NOTCH2: variants seen among roughly 807,000 people sequenced by gnomAD.
NOTCH2 encodes notch receptor 2.
Under a neutral mutation model 235.8 loss-of-function variants are expected in NOTCH2, and 29 were observed. That is an observed-to-expected ratio of 0.12 (90% CI 0.09 to 0.17). NOTCH2 has a LOEUF of 0.17. Ranked by LOEUF, NOTCH2 falls within the 10% of genes least tolerant of loss-of-function variation. The probability of loss-of-function intolerance (pLI) is 1.00; values close to 1 mark genes in which losing one functional copy is unlikely to be tolerated. For missense variants in NOTCH2, 2,285 were observed against 3,150.2 expected (o/e 0.73, Z 6.57); for synonymous variants, 1,086 against 1,141.5 (o/e 0.95, Z 0.98).
intron 4 of NOTCH2, chr1:119,995,549 A>G (rs1365711140): frequency 2.0e-5 from 3 of 152,246 alleles, no homozygotes; most frequent in Admixed American, 6.5e-5. Flanking sequence ...AACCCTTAAA[A>G]TGCAAACAAA....
chr1:119,976,187 T>C (rs1350175593), intron 5 of NOTCH2, among the ~76,000 whole-genome samples: 1 of 152,052 alleles, frequency 6.6e-6, no homozygotes, highest in Non-Finnish European at 1.5e-5. Flanking sequence ...ATCTCCTATA[T>C]ACCTTTCCAA....
intron 2 of NOTCH2, among the ~76,000 whole-genome samples, chr1:120,022,832 AC>A (rs1405377555): frequency 1.3e-5 from 2 of 152,140 alleles, no homozygotes; most frequent in African/African-American, 4.8e-5. Context: ...CATTTGAACT[AC>A]AAACTTAAAA....
Position 119,915,728 on chromosome 1 carries a change from C to G in NOTCH2, c.6994G>C (p.Val2332Leu). Residue 2332 changes from valine to leucine, a missense_variant, in exon 34 of 34, where the codon GTT becomes CTT. Transcript: ENST00000256646. ...TACATGGTGGGCAGGGGGCCCGCAA[C>G]AGCTGGAGGGCAGGTGGACTGAGGC... ...PQPQSTCPPA[V>L]AGPLPTMYQI... is the part of the protein sequence containing the mutation. 6.2e-7 allele frequency: 1 copy of G among 1,608,158 alleles called. No individual in the cohort carries two copies. Among genetic ancestry groups the G allele is most frequent in the Non-Finnish European group, 8.5e-7 (1 of 1,176,138 alleles).
At chr1:119,960,098 T>C (rs1650876623) in intron 11 of NOTCH2, among the ~76,000 whole-genome samples, 1 of 152,310 alleles carries the variant, frequency 6.6e-6, no homozygotes, top group Non-Finnish European at 1.5e-5. Context: ...CCCATTTTAA[T>C]TGAAAGAGCA....
rs12131403 is a variant in NOTCH2, at chr1:120,051,277, A to G, written c.73+18057T>C. On this transcript the variant is annotated intron_variant, in intron 1 of 33. Transcript: ENST00000256646. ...CACACACACACACACACACACACGC[A>G]CACACACACAGAGTTAAATCAGAGA... Among the ~76,000 whole-genome samples, 27 of 102,218 alleles carry G rather than the reference A, an allele frequency of 2.6e-4. 1 individual carries two copies. The highest frequency in any genetic ancestry group is 2.6e-4 in the Admixed American group (3 of 11,476). 67.1% of individuals were successfully genotyped at this position (102,218 alleles called of 152,430 possible). A position where few individuals can be genotyped will look rare whatever the true frequency, so the allele number is the denominator to read the frequency against.
Position 119,948,498 on chromosome 1 carries a change from T to C in NOTCH2, c.2668A>G (p.Asn890Asp). The change falls in exon 17 of 34, where the codon AAC becomes GAC. Residue 890 changes from asparagine (N) to aspartate (D), a missense_variant. Physicochemically the swap from Asn to Asp is conservative, Grantham distance 23 (BLOSUM62 1). Around this residue, in one of 6 missense-constraint regions of NOTCH2, gnomAD observed 1,173 missense variants for 1,515.3 expected, o/e 0.77. Transcript: ENST00000256646. ...KPCMNHGLCH[N>D]TQGSYMCECP... ...TCACACATGTAGCTGCCCTGGGTGT[T>C]ATGGCAGAGACCATGGTTCATGCAG... The C allele has an allele frequency of 6.2e-7, 1 of 1,614,192 alleles. No individual in the cohort carries two copies. Among genetic ancestry groups the C allele is most frequent in the Non-Finnish European group, 8.5e-7 (1 of 1,180,014 alleles).
chr1:120,001,734 A>G (rs1163277344), intron 3 of NOTCH2, among the ~76,000 whole-genome samples: 3 of 152,154 alleles, frequency 2.0e-5, no homozygotes, highest in Non-Finnish European at 4.4e-5. Context: ...TTCTGCCAAG[A>G]CTACCATCCG....
At position 119,953,568 on chromosome 1, in the gene NOTCH2, C is replaced by T. The variant is rs1650569823; in HGVS notation, c.2340G>A (p.Arg780=). The change falls in exon 14 of 34, where the codon AGG becomes AGA. Residue 780 remains arginine, a synonymous_variant. Transcript: ENST00000256646. ...GTCDNLVNGY[R]CTCKKGFKGY... ...CTTTAAAGCCCTTCTTGCAAGTACA[C>T]CTGTATCCATTCACCAGATTGTCAC... The T allele has an allele frequency of 3.1e-6, 5 of 1,614,066 alleles. No individual in the cohort carries two copies. The South Asian group carries it at 5.5e-5, about 18-fold the overall frequency.
chr1:119,939,015 C>A (rs781899883), intron 19 of NOTCH2, among the ~76,000 whole-genome samples: 1 of 152,152 alleles, frequency 6.6e-6, no homozygotes, highest in African/African-American at 2.4e-5. Context: ...TACTCCAGTT[C>A]AGGTTCATGA....
intron 2 of NOTCH2, among the ~76,000 whole-genome samples, chr1:120,014,599 G>T: frequency 7.7e-6 from 1 of 130,476 alleles, no homozygotes; most frequent in Non-Finnish European, 1.6e-5. Context: ...CACTTAAGCA[G>T]ATGAAAACCA....
intron 4 of NOTCH2, chr1:119,996,408 C>T (rs1652450193): frequency 1.9e-6 from 1 of 519,414 alleles, no homozygotes; most frequent in Admixed American, 3.3e-5. Flanking sequence ...AGAGGATCCC[C>T]TCCTCAGTTT....
intron 5 of NOTCH2, among the ~76,000 whole-genome samples, chr1:119,971,017 T>C (rs587602780): frequency 3.3e-5 from 5 of 152,352 alleles, no homozygotes; most frequent in East Asian, 3.9e-4. Context: ...ACCTAGCAAT[T>C]TGACTGGCTC....
intron 6 of NOTCH2, among the ~76,000 whole-genome samples, chr1:119,969,087 T>G (rs1651261934): frequency 6.6e-6 from 1 of 152,226 alleles, no homozygotes; most frequent in Non-Finnish European, 1.5e-5. Context: ...TCATAGACAT[T>G]GAGGGTTAGA....
Position 119,912,161 on chromosome 1 carries a change from TC to T in NOTCH2, c.*3144del, listed in dbSNP as rs1297270056. On this transcript the variant is annotated 3_prime_UTR_variant, in exon 34 of 34. Coordinates refer to ENST00000256646, the MANE Select transcript of NOTCH2 (RefSeq NM_024408.4). ...AAAAGTAAAAACAAAGTGTGCATTT[TC>T]CTTACTACGTTTAGTCAGGAATATG... is the stretch of plus-strand genomic sequence containing the variant. The T allele has an allele frequency of 4.3e-6, 1 of 233,456 alleles. No homozygotes were observed. Among genetic ancestry groups the T allele is most frequent in the Non-Finnish European group, 8.5e-6 (1 of 117,990 alleles). 14.5% of individuals were successfully genotyped at this position (233,456 alleles called of 1,614,324 possible).
At chr1:120,043,970 A>AG (rs1553213235) in intron 1 of NOTCH2, among the ~76,000 whole-genome samples, 1 of 148,370 alleles carries the variant, frequency 6.7e-6, no homozygotes, top group East Asian at 2.0e-4. Context: ...GCAACACAGG[A>AG]GCAAAAGGAA....
rs374689991 is a variant in NOTCH2, at chr1:119,968,203, T to C, written c.1138A>G (p.Ile380Val). The C allele has an allele frequency of 6.2e-6, 10 of 1,613,852 alleles. No individual in the cohort carries two copies. In the Admixed American group the frequency reaches 1.0e-4, roughly 16 times the overall value. The change falls in exon 7 of 34, where the codon ATC (isoleucine) becomes GTC (valine). Residue 380 changes from isoleucine (I) to valine (V), a missense_variant. Transcript: ENST00000256646. ...GCCCCCTTGTGGCAAGGATTGCTGA[T>C]GCATGCATCATCCAGATGACACAGG... Reference protein sequence around the residue: ...GLLCHLDDACISNPCHKGALC... With the variant: ...GLLCHLDDACVSNPCHKGALC...
chr1:119,989,101 TC>T (rs1244954600), intron 4 of NOTCH2, among the ~76,000 whole-genome samples: 3 of 152,202 alleles, frequency 2.0e-5, no homozygotes, highest in African/African-American at 7.2e-5. Context: ...AAGCATGGCT[TC>T]TGGGGCCAAA....
intron 10 of NOTCH2, among the ~76,000 whole-genome samples, chr1:119,965,170 G>A (rs1651088435): frequency 6.6e-6 from 1 of 152,118 alleles, no homozygotes; most frequent in Non-Finnish European, 1.5e-5. Flanking sequence ...TTTCCTAAAT[G>A]AGTCAATCTA....
At chr1:120,007,008 G>A (rs1653004954) in intron 2 of NOTCH2, among the ~76,000 whole-genome samples, 1 of 152,178 alleles carries the variant, frequency 6.6e-6, no homozygotes, top group Non-Finnish European at 1.5e-5. Flanking sequence ...GAGAAAACAG[G>A]GTGGTGAATA....
Sources: gnomAD v4.1 joint callset for allele counts (sites outside exome capture counted in the v4.1 genomes callset) on GRCh38, gnomAD v4.1.1 for gene constraint, gnomAD v4.1.1 regional missense constraint, MANE v1.5 for transcripts, NCBI Gene and HGNC (gene_info 2026-07-23, HGNC 2026-07-21) for gene names.